PRELID2: variants seen among roughly 807,000 people sequenced by gnomAD.
PRELID2 encodes PRELI domain containing 2.
A neutral mutation model predicts 28.4 loss-of-function variants in PRELID2; 25 were observed. The observed-to-expected ratio is 0.88, with a 90% confidence interval of 0.64 to 1.23. PRELID2 has a LOEUF of 1.23. Ranked by LOEUF, PRELID2 falls within the 50% of genes most tolerant of loss-of-function variation. The probability of loss-of-function intolerance (pLI) is 0.00; values close to 1 mark genes in which losing one functional copy is unlikely to be tolerated. For missense variants in PRELID2, 201 were observed against 214.4 expected (o/e 0.94, Z 0.39); for synonymous variants, 76 against 71.6 (o/e 1.06, Z -0.31).
At chr5:145,329,510 G>T in the PRELID2 span, among the ~76,000 whole-genome samples, 1 of 152,228 alleles carries the variant, frequency 6.6e-6, no homozygotes, top group Non-Finnish European at 1.5e-5. Context: ...CTTGTAAGTT[G>T]TATTCCTAGG....
the PRELID2 span, among the ~76,000 whole-genome samples, chr5:145,334,958 C>T: frequency 1.8e-4 from 28 of 152,074 alleles, no homozygotes; most frequent in Admixed American, 1.6e-3. Flanking sequence ...CTTGGTGTTA[C>T]GTTCTTGGGT....
chr5:145,350,910 G>C, the PRELID2 span, among the ~76,000 whole-genome samples: 4 of 152,286 alleles, frequency 2.6e-5, no homozygotes, highest in South Asian at 2.1e-4. Context: ...AACATGCCCA[G>C]TGAATCTACT....
intron 5 of PRELID2, among the ~76,000 whole-genome samples, chr5:145,791,208 C>T (rs939864547): frequency 2.6e-5 from 4 of 151,988 alleles, no homozygotes; most frequent in Non-Finnish European, 5.9e-5. Flanking sequence ...GGGGAACTCC[C>T]ATCACTACCA....
chr5:145,785,330 C>T (rs1268945903), intron 5 of PRELID2, among the ~76,000 whole-genome samples: 3 of 152,198 alleles, frequency 2.0e-5, no homozygotes, highest in Non-Finnish European at 4.4e-5. Flanking sequence ...GTTAAACATA[C>T]AGACAAAACT....
intron 1 of PRELID2, among the ~76,000 whole-genome samples, chr5:145,691,787 G>T (rs1053937183): frequency 1.2e-4 from 18 of 152,082 alleles, no homozygotes; most frequent in African/African-American, 4.3e-4. Flanking sequence ...GACAGCCAGT[G>T]GTTGGCCTCA....
the PRELID2 span, among the ~76,000 whole-genome samples, chr5:145,276,166 C>A: frequency 6.6e-6 from 1 of 152,100 alleles, no homozygotes; most frequent in Non-Finnish European, 1.5e-5. Context: ...TCTCCAATAA[C>A]CTTTTTGATA....
At chr5:145,673,149 A>G (rs570102071) in intron 1 of PRELID2, among the ~76,000 whole-genome samples, 1 of 152,302 alleles carries the variant, frequency 6.6e-6, no homozygotes, top group Admixed American at 6.5e-5. Flanking sequence ...AAAGACGTAT[A>G]TTCAAATCAG....
At chr5:145,731,348 G>C (rs1438825349) in intron 1 of PRELID2, among the ~76,000 whole-genome samples, 3 of 152,168 alleles carry the variant, frequency 2.0e-5, no homozygotes, top group Non-Finnish European at 4.4e-5. Flanking sequence ...CTAAAATGCA[G>C]AGTGACTAAG....
chr5:145,650,537 T>C (rs1432634959), intron 1 of PRELID2, among the ~76,000 whole-genome samples: 58 of 58,338 alleles, frequency 9.9e-4, no homozygotes, highest in African/African-American at 4.3e-3. Flanking sequence ...TATACATATA[T>C]ATATATATAT....
At chr5:145,293,035 A>G in the PRELID2 span, among the ~76,000 whole-genome samples, 1 of 152,082 alleles carries the variant, frequency 6.6e-6, no homozygotes, top group Admixed American at 6.6e-5. Flanking sequence ...ACATTTTTAA[A>G]TGGAAAATTC....
the PRELID2 span, among the ~76,000 whole-genome samples, chr5:145,283,149 G>A: frequency 1.3e-5 from 2 of 152,160 alleles, no homozygotes; most frequent in African/African-American, 4.8e-5. Flanking sequence ...TAATTGGAAT[G>A]AGGAAGTCAA....
the PRELID2 span, among the ~76,000 whole-genome samples, chr5:145,442,769 A>G: frequency 6.6e-6 from 1 of 152,096 alleles, no homozygotes; most frequent in Non-Finnish European, 1.5e-5. Context: ...CAGAGCCTTA[A>G]AACAGAAACA....
At chr5:145,306,457 G>C in the PRELID2 span, among the ~76,000 whole-genome samples, 1 of 151,540 alleles carries the variant, frequency 6.6e-6, no homozygotes, top group South Asian at 2.1e-4. Flanking sequence ...ATTCATATTT[G>C]CTTTTTCAGT....
At chr5:145,267,449 C>T in the PRELID2 span, among the ~76,000 whole-genome samples, 1 of 152,126 alleles carries the variant, frequency 6.6e-6, no homozygotes, top group African/African-American at 2.4e-5. Flanking sequence ...AACACAATGA[C>T]CTCCAGTTTC....
At chr5:145,740,615 AATATATATATATTATATATATAAAT>A (rs1561566483) in intron 1 of PRELID2, among the ~76,000 whole-genome samples, 17 of 7,728 alleles carry the variant, frequency 2.2e-3, no homozygotes, top group South Asian at 4.9e-3. Context: ...TATATATATA[AATATATATATATTATATATATAAAT>A]ATATATATTT....
At chr5:145,319,598 G>A in the PRELID2 span, among the ~76,000 whole-genome samples, 2 of 152,020 alleles carry the variant, frequency 1.3e-5, no homozygotes, top group Non-Finnish European at 2.9e-5. Context: ...TTGAACCCGT[G>A]AGGCAGAGGT....
At chr5:145,327,526 T>C in the PRELID2 span, among the ~76,000 whole-genome samples, 1 of 152,118 alleles carries the variant, frequency 6.6e-6, no homozygotes, top group Non-Finnish European at 1.5e-5. Context: ...AAGAAGTATC[T>C]TGTAGGAAGC....
In PRELID2 at chr5:145,820,005, C is replaced by T. The variant is rs202190419; in HGVS notation, c.147G>A (p.Gly49=). 8.8e-6 allele frequency: 14 copies of T among 1,592,842 alleles called. No individual in the cohort carries two copies. The highest frequency in any genetic ancestry group is 1.4e-5 in the African/African-American group (1 of 73,848). ...IMEEKRDEST[G]VIYRKRIAIC... is the part of the protein sequence containing the mutation. ...TTGCAATCCTCTTTCTGTAGATGAC[C>T]CCTGTTGATTCATCTAAAAAAGAAA... Residue 49 remains glycine (G), a synonymous_variant, in exon 3 of 7, where the codon GGG becomes GGA. Transcript: ENST00000683046.
At chr5:145,286,910 A>T in the PRELID2 span, among the ~76,000 whole-genome samples, 1 of 152,004 alleles carries the variant, frequency 6.6e-6, no homozygotes, top group Admixed American at 6.6e-5. Context: ...GAGTTTCACC[A>T]TATTGGCCAG....
Sources: allele counts gnomAD v4.1 joint callset (sites outside exome capture counted in the v4.1 genomes callset), GRCh38; gene constraint gnomAD v4.1.1; transcripts MANE v1.5; gene names NCBI Gene and HGNC (gene_info 2026-07-23, HGNC 2026-07-21).